Variants in CTNNA3 observed in about 807,000 individuals in gnomAD.
CTNNA3 encodes catenin alpha-3.
In CTNNA3, 76 loss-of-function variants were observed where a neutral mutation model predicts 95.7. The ratio of observed to expected loss-of-function variants is 0.79; its 90% CI spans 0.66 to 0.96. The LOEUF (loss-of-function observed/expected upper bound fraction) is 0.96, where lower values mean the gene tolerates loss of function less well. CTNNA3 is among the 40% of genes least tolerant of loss of function. CTNNA3 has a pLI of 0.00. For missense variants in CTNNA3, 1,191 were observed against 1,089.8 expected, an observed-to-expected ratio of 1.09 and a Z score of -1.31; for synonymous variants, 431 against 374.4, an observed-to-expected ratio of 1.15 and a Z score of -1.74.
At chr10:66,569,053 G>C (rs1395362332) in intron 10 of CTNNA3, among the ~76,000 whole-genome samples, 2 of 151,990 alleles carry the variant, frequency 1.3e-5, no homozygotes, top group African/African-American at 4.8e-5. Flanking sequence ...GGCTTTGTCA[G>C]GAAGAAGCTA....
intron 9 of CTNNA3, among the ~76,000 whole-genome samples, chr10:66,648,182 CAGA>C (rs1048680440): frequency 2.6e-5 from 4 of 152,124 alleles, no homozygotes; most frequent in African/African-American, 9.7e-5. Flanking sequence ...TTAGCATCAC[CAGA>C]AGAACTTTTA....
At chr10:67,069,949 C>T (rs971819455) in intron 7 of CTNNA3, among the ~76,000 whole-genome samples, 2 of 152,134 alleles carry the variant, frequency 1.3e-5, no homozygotes, top group Admixed American at 1.3e-4. Flanking sequence ...ATTACTGGGT[C>T]ATGGGATATG....
rs568208554 is a variant in CTNNA3 at position 66,479,094 on chromosome 10, C to A, written c.1531+41523G>T. On this transcript the variant is annotated intron_variant, in intron 11 of 17. Coordinates refer to ENST00000433211, the MANE Select transcript of CTNNA3 (RefSeq NM_013266.4). ...GTTTTTGTACAGTTTTTGAGATTTGCATCTAGTTACATTTTTTAATATTTC... is the reference window on the plus strand; with the variant it reads ...GTTTTTGTACAGTTTTTGAGATTTGAATCTAGTTACATTTTTTAATATTTC... Among the ~76,000 whole-genome samples the A allele has an allele frequency of 2.0e-4, 30 of 151,944 alleles. No individual in the cohort carries two copies. The South Asian group carries it at 6.0e-3, about 30-fold the overall frequency.
At chr10:67,387,194 G>A (rs182160414) in intron 5 of CTNNA3, among the ~76,000 whole-genome samples, 1 of 152,056 alleles carries the variant, frequency 6.6e-6, no homozygotes, top group Non-Finnish European at 1.5e-5. Context: ...CAGGTCAGTG[G>A]GTGCGCGCAC....
At chr10:66,112,705 T>C (rs1186436674) in intron 13 of CTNNA3, among the ~76,000 whole-genome samples, 2 of 152,118 alleles carry the variant, frequency 1.3e-5, no homozygotes, top group East Asian at 3.9e-4. Flanking sequence ...TTACCTCATA[T>C]AAGGCAAATC....
chr10:66,877,450 C>A (rs1016644326), intron 7 of CTNNA3, among the ~76,000 whole-genome samples: 13 of 152,164 alleles, frequency 8.5e-5, no homozygotes, highest in Non-Finnish European at 1.6e-4. Context: ...CTGATGCTGG[C>A]TCCAGCGTCT....
intron 13 of CTNNA3, among the ~76,000 whole-genome samples, chr10:66,276,643 C>A (rs1367518227): frequency 6.6e-6 from 1 of 151,996 alleles, no homozygotes; most frequent in Non-Finnish European, 1.5e-5. Flanking sequence ...TTAAACATTG[C>A]CTTATAAAAG....
intron 10 of CTNNA3, among the ~76,000 whole-genome samples, chr10:66,589,978 A>T (rs1343594251): frequency 3.9e-5 from 6 of 152,056 alleles, no homozygotes; most frequent in Admixed American, 3.9e-4. Flanking sequence ...GCTCTTAAGG[A>T]GTATAAAGAA....
At chr10:66,654,325 C>A (rs573490945) in intron 9 of CTNNA3, among the ~76,000 whole-genome samples, 2 of 152,000 alleles carry the variant, frequency 1.3e-5, no homozygotes, top group Non-Finnish European at 2.9e-5. Flanking sequence ...AGAAGTCATG[C>A]ACACTGGCCA....
chr10:66,114,086 G>A (rs1221193647), intron 13 of CTNNA3, among the ~76,000 whole-genome samples: 1 of 152,084 alleles, frequency 6.6e-6, no homozygotes, highest in Non-Finnish European at 1.5e-5. Flanking sequence ...TCAAAAATCA[G>A]AACACCGGTG....
chr10:67,539,341 G>T (rs111919612), intron 4 of CTNNA3, among the ~76,000 whole-genome samples, 162 bp downstream of exon 4: 1,727 of 152,118 alleles, frequency 0.011, 44 homozygotes, highest in African/African-American at 0.039. Flanking sequence ...TCCTTATTTT[G>T]AGGTATACAT....
intron 13 of CTNNA3, among the ~76,000 whole-genome samples, chr10:66,151,001 A>T (rs1254671505): frequency 2.0e-5 from 3 of 152,004 alleles, no homozygotes; most frequent in Non-Finnish European, 4.4e-5. Context: ...ATATATTTGC[A>T]TTTCTCTTAC....
intron 7 of CTNNA3, among the ~76,000 whole-genome samples, chr10:66,950,999 T>C (rs1848509469): frequency 6.6e-6 from 1 of 152,154 alleles, no homozygotes; most frequent in Non-Finnish European, 1.5e-5. Flanking sequence ...GAATAGATGG[T>C]ATGCTTATTT....
At chr10:67,487,075 A>C (rs1054449775) in intron 5 of CTNNA3, among the ~76,000 whole-genome samples, 2 of 152,098 alleles carry the variant, frequency 1.3e-5, no homozygotes, top group Non-Finnish European at 2.9e-5. Flanking sequence ...AATGCTCCCC[A>C]TTCTGCCCAA....
At chr10:66,240,408 T>A (rs1381602324) in intron 13 of CTNNA3, among the ~76,000 whole-genome samples, 5 of 152,206 alleles carry the variant, frequency 3.3e-5, no homozygotes, top group East Asian at 3.9e-4. Flanking sequence ...CATGTTTTCA[T>A]CTTTGGGCTT....
chr10:67,008,544 G>A (rs192790964), intron 7 of CTNNA3, among the ~76,000 whole-genome samples: 1 of 152,186 alleles, frequency 6.6e-6, no homozygotes, highest in African/African-American at 2.4e-5. Flanking sequence ...TCATAATTGT[G>A]TGAGTTAGCA....
At position 65,919,298 on chromosome 10, in the gene CTNNA3, T is replaced by C. The variant is rs193248937; in HGVS notation, c.*1032A>G. The stretch of plus-strand genomic sequence containing the variant: ...CCAGTGACTTTTATTTAAAAGAACG[T>C]TATTAAAATCACTCCAGCTTCATTG... On this transcript the variant is annotated 3_prime_UTR_variant, in exon 18 of 18. Transcript: ENST00000433211. The C allele has an allele frequency of 2.4e-4, 37 of 152,302 alleles. No homozygotes were observed. The highest frequency in any genetic ancestry group is 6.2e-4 in the South Asian group (3 of 4,828). The allele number at this position is 152,302 out of a possible 1,614,324, so 9.4% of individuals were successfully genotyped here.
chr10:65,931,921 T>A (rs1170140900), intron 17 of CTNNA3, among the ~76,000 whole-genome samples: 2 of 152,134 alleles, frequency 1.3e-5, no homozygotes, highest in Non-Finnish European at 2.9e-5. Context: ...TCTAAACTAA[T>A]CCCCAGGCAT....
chr10:65,918,787 C>A lies in CTNNA3; in HGVS notation c.*1543G>T, dbSNP rs1414359508. 6.6e-6 allele frequency: 1 copy of A among 152,100 alleles called. No homozygotes were observed. The highest frequency in any genetic ancestry group is 1.5e-5 in the Non-Finnish European group (1 of 68,002). The allele number at this position is 152,100 out of a possible 1,614,324, so 9.4% of individuals were successfully genotyped here. On this transcript the variant is annotated 3_prime_UTR_variant, in exon 18 of 18. Transcript: ENST00000433211. The stretch of plus-strand genomic sequence containing the variant: ...ATTAATAATGACCTATTAAATAGAT[C>A]CTTCTTTTCCCATACCATTATGCTT...
Sources: allele counts gnomAD v4.1 joint callset (sites outside exome capture counted in the v4.1 genomes callset), GRCh38; gene constraint gnomAD v4.1.1; transcripts MANE v1.5; gene names NCBI Gene and HGNC (gene_info 2026-07-23, HGNC 2026-07-21).